The following RNF130 variants were observed in gnomAD, a reference collection of about 807,000 sequenced individuals.
RNF130 encodes the protein E3 ubiquitin-protein ligase RNF130.
RNF130 carries 21 observed loss-of-function variants against 44.6 expected under a neutral mutation model. That is an observed-to-expected ratio of 0.47 (90% CI 0.33 to 0.68). The LOEUF is 0.68. RNF130 is among the 30% of genes least tolerant of loss of function. RNF130 has a pLI of 0.02. For missense variants in RNF130, 479 were observed against 560.6 expected (o/e 0.85, Z 1.47); for synonymous variants, 214 against 210.4 (o/e 1.02, Z -0.15).
exon 8 of RNF130, chr5:179,913,989 C>T (rs1761505443): frequency 6.6e-6 from 1 of 152,280 alleles, no homozygotes; most frequent in Non-Finnish European, 1.5e-5. Context: ...CTGCCTTCTT[C>T]CGGTGTTTTT....
intron 3 of RNF130, among the ~76,000 whole-genome samples, chr5:180,012,572 C>T (rs951418568): frequency 5.3e-5 from 8 of 152,164 alleles, no homozygotes; most frequent in African/African-American, 1.9e-4. Flanking sequence ...TATTGGTCTT[C>T]CCCCACTCAC....
intron 3 of RNF130, among the ~76,000 whole-genome samples, chr5:179,985,479 AAGG>A (rs1243107344): frequency 2.0e-5 from 3 of 152,082 alleles, no homozygotes; most frequent in Non-Finnish European, 2.9e-5. Context: ...TGGGGTCAAG[AAGG>A]CCACTCTGAA....
intron 1 of RNF130, among the ~76,000 whole-genome samples, chr5:180,063,766 T>A (rs1765039389): frequency 6.6e-6 from 1 of 152,236 alleles, no homozygotes; most frequent in South Asian, 2.1e-4. Flanking sequence ...AACACTCAGC[T>A]GTTGAGCTGT....
chr5:179,991,975 G>A (rs1184842713), intron 3 of RNF130, among the ~76,000 whole-genome samples: 1 of 152,044 alleles, frequency 6.6e-6, no homozygotes, highest in Non-Finnish European at 1.5e-5. Context: ...AGAACCTAAT[G>A]CCACCCCTGA....
chr5:180,004,017 T>C (rs1025910609), intron 3 of RNF130, among the ~76,000 whole-genome samples: 2 of 152,210 alleles, frequency 1.3e-5, no homozygotes, highest in Admixed American at 6.5e-5. Flanking sequence ...AAAAGAACTA[T>C]AATATCCCAT....
chr5:180,028,242 A>T (rs147474022), intron 2 of RNF130, among the ~76,000 whole-genome samples: 1 of 152,146 alleles, frequency 6.6e-6, no homozygotes, highest in Non-Finnish European at 1.5e-5. Flanking sequence ...TCCCACAGTC[A>T]TGACTTCGTA....
chr5:179,963,416 T>A, intron 8 of RNF130, 55 bp downstream of exon 8: 1 of 1,369,270 alleles, frequency 7.3e-7, no homozygotes. Flanking sequence ...AACTGCTCCA[T>A]GTGTTTTCCT....
At chr5:179,989,679 G>C (rs1033584800) in intron 3 of RNF130, among the ~76,000 whole-genome samples, 1 of 152,068 alleles carries the variant, frequency 6.6e-6, no homozygotes, top group Non-Finnish European at 1.5e-5. Context: ...AATCTATTCA[G>C]TCAGGCTGTA....
chr5:179,963,389 C>T lies in RNF130; in HGVS notation c.1244+82G>A, dbSNP rs968248782. On this transcript the variant is annotated intron_variant, in intron 8 of 8. Transcript: ENST00000521389. ...GTATGAAACTGGTAGAAAGCCAGTTCTCACCACCTTCATGAAAACTGCTCC... is the reference window on the plus strand; with the variant it reads ...GTATGAAACTGGTAGAAAGCCAGTTTTCACCACCTTCATGAAAACTGCTCC... The T allele has an allele frequency of 2.9e-6, 3 of 1,040,638 alleles. No homozygotes were observed. In the African/African-American group the frequency reaches 4.7e-5, roughly 16 times the overall value. 64.5% of individuals were successfully genotyped at this position (1,040,638 alleles called of 1,614,324 possible).
downstream of RNF130, among the ~76,000 whole-genome samples, chr5:179,954,905 T>C (rs1411571928): frequency 6.6e-6 from 1 of 152,256 alleles, no homozygotes; most frequent in African/African-American, 2.4e-5. Flanking sequence ...TAACAAAGTA[T>C]TTTGAAATTC....
At chr5:180,023,678 TA>T (rs1763923957) in intron 2 of RNF130, among the ~76,000 whole-genome samples, 1 of 152,150 alleles carries the variant, frequency 6.6e-6, no homozygotes, top group African/African-American at 2.4e-5. Context: ...ATCCAGAGTG[TA>T]AAATAAATAC....
intron 7 of RNF130, among the ~76,000 whole-genome samples, chr5:179,930,971 T>G (rs1761799071): frequency 2.0e-5 from 3 of 147,630 alleles, no homozygotes. Flanking sequence ...AGGCAGAGGT[T>G]GCAGTGAGCT....
chr5:179,956,515 C>T (rs956737670), intron 8 of RNF130: 2 of 152,488 alleles, frequency 1.3e-5, no homozygotes, highest in Non-Finnish European at 2.9e-5. Context: ...TGCTGAAAGG[C>T]CTTAGAGCCC....
At chr5:179,948,185 A>G (rs1412449117) in intron 7 of RNF130, among the ~76,000 whole-genome samples, 1 of 152,242 alleles carries the variant, frequency 6.6e-6, no homozygotes, top group East Asian at 1.9e-4. Flanking sequence ...ACAGAAAACC[A>G]ACTATATCTT....
At chr5:179,959,489 G>A (rs970635843) in intron 8 of RNF130, among the ~76,000 whole-genome samples, 3 of 152,058 alleles carry the variant, frequency 2.0e-5, no homozygotes, top group Non-Finnish European at 4.4e-5. Context: ...TTAGCTGGGC[G>A]TGGTGGCGGG....
chr5:179,948,607 G>A (rs1762079633), intron 7 of RNF130, among the ~76,000 whole-genome samples: 1 of 152,090 alleles, frequency 6.6e-6, no homozygotes, highest in Non-Finnish European at 1.5e-5. Flanking sequence ...GGAGGTGGAG[G>A]TCGCAGTGAG....
chr5:180,039,150 A>G (rs1368967446), intron 2 of RNF130, among the ~76,000 whole-genome samples: 1 of 152,056 alleles, frequency 6.6e-6, no homozygotes, highest in Admixed American at 6.6e-5. Flanking sequence ...CACACATTTT[A>G]TTTTATTCTT....
chr5:180,040,251 G>C (rs1582211923), intron 2 of RNF130, among the ~76,000 whole-genome samples: 1 of 152,140 alleles, frequency 6.6e-6, no homozygotes, highest in Non-Finnish European at 1.5e-5. Flanking sequence ...ATAAGTCCAA[G>C]CTTTACAGAC....
chr5:179,915,822 C>T (rs1310817583), exon 8 of RNF130: 1 of 152,468 alleles, frequency 6.6e-6, no homozygotes, highest in Non-Finnish European at 1.5e-5. Context: ...TCCCTTGGGC[C>T]TCTCTATGGC....
Sources: gnomAD v4.1 joint callset for allele counts (sites outside exome capture counted in the v4.1 genomes callset) on GRCh38, gnomAD v4.1.1 for gene constraint, MANE v1.5 for transcripts, NCBI Gene and HGNC (gene_info 2026-07-23, HGNC 2026-07-21) for gene names.